SEC63: variants seen among roughly 807,000 people sequenced by gnomAD.
SEC63 encodes the protein SEC63 protein translocation regulator, also known as translocation protein SEC63 homolog.
Under a neutral mutation model 116.2 loss-of-function variants are expected in SEC63, and 56 were observed. The ratio of observed to expected loss-of-function variants is 0.48; its 90% confidence interval spans 0.39 to 0.60. The LOEUF (loss-of-function observed/expected upper bound fraction) is 0.60, where lower values mean the gene tolerates loss of function less well. Ranked by LOEUF, SEC63 falls within the 20% of genes least tolerant of loss-of-function variation. The probability of loss-of-function intolerance (pLI) is 0.00; values close to 1 mark genes in which losing one functional copy is unlikely to be tolerated. For synonymous variants in SEC63, 273 were observed against 294.6 expected, an observed-to-expected ratio of 0.93 and a Z score of 0.75; for missense variants, 668 against 900.0, an observed-to-expected ratio of 0.74 and a Z score of 3.30.
chr6:107,901,221 T>C (rs1786992531), intron 13 of SEC63, 149 bp downstream of exon 13: 13 of 770,596 alleles, frequency 1.7e-5, no homozygotes, highest in African/African-American at 6.9e-5. Flanking sequence ...TTTTCCAACA[T>C]AGTAAATCTG....
Position 107,958,167 on chromosome 6 carries a change from C to T in SEC63, c.-158G>A. Reference sequence around the variant, plus strand: ...GCCACTCTCACGGACACGCCGCCGCCACCTCTGCCGCTGCCGCCGCCGTCG... The same window carrying T: ...GCCACTCTCACGGACACGCCGCCGCTACCTCTGCCGCTGCCGCCGCCGTCG... On this transcript the variant is annotated 5_prime_UTR_variant, in exon 1 of 21. Coordinates refer to ENST00000369002, the MANE Select transcript of SEC63 (RefSeq NM_007214.5). 3 of 1,175,654 alleles carry T rather than the reference C, an allele frequency of 2.6e-6. No individual in the cohort carries two copies. In the South Asian group the frequency reaches 4.0e-5, roughly 16 times the overall value. 72.8% of individuals were successfully genotyped at this position (1,175,654 alleles called of 1,614,324 possible).
intron 1 of SEC63, among the ~76,000 whole-genome samples, chr6:107,941,584 T>G (rs1405317943): frequency 6.6e-6 from 1 of 152,130 alleles, no homozygotes; most frequent in Non-Finnish European, 1.5e-5. Context: ...AACACCCAGA[T>G]AGTAATCATT....
chr6:107,923,078 T>A (rs148129530), intron 3 of SEC63, among the ~76,000 whole-genome samples: 2 of 152,128 alleles, frequency 1.3e-5, no homozygotes, highest in Non-Finnish European at 2.9e-5. Context: ...TTTAAAAAAT[T>A]ATATATTTTT....
intron 16 of SEC63, among the ~76,000 whole-genome samples, chr6:107,889,434 G>A (rs1262777465): frequency 6.6e-6 from 1 of 152,098 alleles, no homozygotes; most frequent in Non-Finnish European, 1.5e-5. Context: ...GATCAGTGGT[G>A]ACATCCCCTT....
Position 107,920,102 on chromosome 6 carries a change from T to G in SEC63, c.452+1695A>C, listed in dbSNP as rs553814157. Among the ~76,000 whole-genome samples the G allele has an allele frequency of 3.3e-5, 5 of 152,074 alleles. No individual in the cohort carries two copies. The South Asian group carries it at 8.3e-4, about 25-fold the overall frequency. The stretch of plus-strand genomic sequence containing the variant: ...GCATTTTTTAGCCATACAGTATTTT[T>G]AAATTAAGGTATGTACATTGTTTTT... On this transcript the variant is annotated intron_variant, in intron 4 of 20. Coordinates refer to ENST00000369002, the MANE Select transcript of SEC63 (RefSeq NM_007214.5).
At chr6:107,908,842 A>G in intron 8 of SEC63, 85 bp downstream of exon 8, 1 of 745,738 alleles carries the variant, frequency 1.3e-6, no homozygotes, top group South Asian at 1.5e-5. Flanking sequence ...GAATCTCAAC[A>G]GTATAGAGTT....
rs547306163 is a variant in SEC63 at position 107,885,181 on chromosome 6, G to GA, written c.1675-2036dup. Among the ~76,000 whole-genome samples, 1,178 of 151,930 alleles carry GA rather than the reference G, an allele frequency of 7.8e-3. 18 individuals are homozygous for GA. The highest frequency in any genetic ancestry group is 0.027 in the African/African-American group (1,100 of 41,448). ...CTAGCCAGCACAGTGAGGCAGAAAG[G>GA]AAGAAAGAAAGAAAGGGTATAAAGA... is the stretch of plus-strand genomic sequence containing the variant. On this transcript the variant is annotated intron_variant, in intron 16 of 20. Coordinates refer to ENST00000369002, the MANE Select transcript of SEC63 (RefSeq NM_007214.5).
Position 107,881,232 on chromosome 6 carries a change from G to T in SEC63, c.1852C>A (p.Gln618Lys). ...DDEAEWQELQ[Q>K]SIQRKERALL... Reference sequence around the variant, plus strand: ...GCTCTCTCTTTTCGCTGTATGCTTTGTTGTAATTCTTGCCACTCCTAGTAA... The same window carrying T: ...GCTCTCTCTTTTCGCTGTATGCTTTTTTGTAATTCTTGCCACTCCTAGTAA... The change falls in exon 18 of 21, where the codon CAA becomes AAA. Residue 618 changes from glutamine (Q) to lysine (K), a missense_variant. Around this residue, in one of 5 missense-constraint regions of SEC63, gnomAD observed 430 missense variants for 557.5 expected, o/e 0.77. Transcript: ENST00000369002. 1 of 1,612,000 alleles carries T rather than the reference G, an allele frequency of 6.2e-7. No homozygotes were observed. Among genetic ancestry groups the T allele is most frequent in the East Asian group, 2.2e-5 (1 of 44,808 alleles).
Position 107,876,667 on chromosome 6 carries a change from A to AAAC in SEC63, c.1936-8_1936-6dup. The AAAC allele has an allele frequency of 7.5e-7, 1 of 1,336,786 alleles. No homozygotes were observed. The highest frequency in any genetic ancestry group is 2.4e-5 in the African/African-American group (1 of 41,696). The allele number at this position is 1,336,786 out of a possible 1,614,324, so 82.8% of individuals were successfully genotyped here. Reference sequence around the variant, plus strand: ...CCACCACCATTCTTGTTTTTCCTGGAAACAAAAAAAAAAAAAAAAAAAGAA... The same window carrying AAAC: ...CCACCACCATTCTTGTTTTTCCTGGAAACAACAAAAAAAAAAAAAAAAAAAGAA... On this transcript the variant is annotated splice_region_variant and splice_polypyrimidine_tract_variant and intron_variant, in intron 18 of 20. Transcript: ENST00000369002.
intron 4 of SEC63, among the ~76,000 whole-genome samples, chr6:107,914,263 G>A (rs1436387920): frequency 1.3e-5 from 2 of 151,970 alleles, no homozygotes; most frequent in Admixed American, 6.6e-5. Flanking sequence ...CAACACACAC[G>A]CTCAAAAATG....
intron 1 of SEC63, among the ~76,000 whole-genome samples, chr6:107,947,627 T>C (rs886273180): frequency 2.0e-5 from 3 of 152,172 alleles, no homozygotes; most frequent in South Asian, 2.1e-4. Flanking sequence ...AAACTGATCA[T>C]TGGGCCAATC....
intron 7 of SEC63, among the ~76,000 whole-genome samples, chr6:107,909,482 G>A (rs1272174002): frequency 6.6e-6 from 1 of 151,822 alleles, no homozygotes; most frequent in Non-Finnish European, 1.5e-5. Context: ...AAAAATACCT[G>A]AGTCTTACAA....
chr6:107,893,106 A>G (rs1718127050), intron 16 of SEC63, among the ~76,000 whole-genome samples: 1 of 93,476 alleles, frequency 1.1e-5, no homozygotes, highest in South Asian at 4.2e-4. Flanking sequence ...ATGAAATACT[A>G]TACACACACA....
At chr6:107,936,531 T>C (rs1477628592) in intron 1 of SEC63, among the ~76,000 whole-genome samples, 1 of 61,652 alleles carries the variant, frequency 1.6e-5, no homozygotes, top group East Asian at 4.0e-4. Flanking sequence ...GTTAGGAGTA[T>C]CCTTAACTTG....
intron 2 of SEC63, among the ~76,000 whole-genome samples, chr6:107,925,537 T>TA (rs770157409): frequency 1.2e-4 from 19 of 152,206 alleles, no homozygotes; most frequent in Non-Finnish European, 2.5e-4. Flanking sequence ...AATAAAGGTA[T>TA]AAAAGAACAT....
intron 1 of SEC63, among the ~76,000 whole-genome samples, chr6:107,942,034 A>G (rs1287252382): frequency 1.3e-5 from 2 of 152,236 alleles, no homozygotes; most frequent in East Asian, 3.8e-4. Flanking sequence ...TGTTTAGATC[A>G]TTATAAACAT....
At chr6:107,935,316 C>G (rs1021939030) in intron 1 of SEC63, among the ~76,000 whole-genome samples, 2 of 151,406 alleles carry the variant, frequency 1.3e-5, no homozygotes, top group Non-Finnish European at 2.9e-5. Flanking sequence ...GAGAACGGGC[C>G]GGGATGACAA....
At chr6:107,879,699 A>G (rs1412414844) in intron 18 of SEC63, among the ~76,000 whole-genome samples, 1 of 149,748 alleles carries the variant, frequency 6.7e-6, no homozygotes, top group African/African-American at 2.5e-5. Context: ...TGAAAAAGGC[A>G]TTTTGCTGAT....
chr6:107,899,317 G>C (rs1786941740), intron 13 of SEC63, among the ~76,000 whole-genome samples: 1 of 152,182 alleles, frequency 6.6e-6, no homozygotes, highest in Non-Finnish European at 1.5e-5. Context: ...GTCTATCCAA[G>C]ATGCTATGGA....
Sources: allele counts gnomAD v4.1 joint callset (sites outside exome capture counted in the v4.1 genomes callset), GRCh38; gene constraint gnomAD v4.1.1; regional missense constraint gnomAD v4.1.1; transcripts MANE v1.5; gene names NCBI Gene and HGNC (gene_info 2026-07-23, HGNC 2026-07-21).